SPECC1: variants seen among roughly 807,000 people sequenced by gnomAD.
SPECC1 encodes sperm antigen with calponin homology and coiled-coil domains 1.
SPECC1 carries 62 observed loss-of-function variants against 104.1 expected under a neutral mutation model. The observed-to-expected ratio is 0.60, with a 90% CI of 0.49 to 0.74. The LOEUF is 0.74. SPECC1 is among the 30% of genes least tolerant of loss of function. The pLI, the probability that SPECC1 is intolerant of heterozygous loss-of-function variation, is 0.00. For synonymous variants in SPECC1, 513 were observed against 501.6 expected (o/e 1.02, Z -0.30); for missense variants, 1,306 against 1,310.5 (o/e 1.00, Z 0.05).
At chr17:20,055,254 A>ATAGAATT (rs981554652) in intron 1 of SPECC1, among the ~76,000 whole-genome samples, 1 of 128,930 alleles carries the variant, frequency 7.8e-6, no homozygotes, top group African/African-American at 3.0e-5. Flanking sequence ...GTTGCATGTT[A>ATAGAATT]TAGAATTTCC....
chr17:20,029,741 A>G (rs2044734237), intron 1 of SPECC1, among the ~76,000 whole-genome samples: 2 of 152,096 alleles, frequency 1.3e-5, no homozygotes, highest in African/African-American at 2.4e-5. Flanking sequence ...CTAATCCCTC[A>G]TTAGTAATGT....
intron 1 of SPECC1, among the ~76,000 whole-genome samples, chr17:20,033,828 C>T (rs1252564434): frequency 6.6e-6 from 1 of 152,170 alleles, no homozygotes; most frequent in African/African-American, 2.4e-5. Context: ...CATATCCAAA[C>T]CATTAACACC....
At chr17:20,221,334 C>G (rs1251519099) in intron 4 of SPECC1, among the ~76,000 whole-genome samples, 1 of 151,986 alleles carries the variant, frequency 6.6e-6, no homozygotes, top group Non-Finnish European at 1.5e-5. Flanking sequence ...GCTTTTATCT[C>G]GTTACTTGTT....
intron 3 of SPECC1, among the ~76,000 whole-genome samples, chr17:20,127,406 A>G (rs558957860): frequency 1.3e-5 from 2 of 150,974 alleles, no homozygotes; most frequent in Non-Finnish European, 2.9e-5. Flanking sequence ...TGAGAGGGAT[A>G]CTACTGGAGA....
intron 3 of SPECC1, among the ~76,000 whole-genome samples, chr17:20,194,725 C>G (rs1005767514): frequency 6.6e-6 from 1 of 151,570 alleles, no homozygotes; most frequent in Admixed American, 6.6e-5. Context: ...AGGATGGTCT[C>G]GATCTCCTGA....
chr17:20,306,752 A>C (rs1046952359), intron 14 of SPECC1, among the ~76,000 whole-genome samples: 1 of 152,250 alleles, frequency 6.6e-6, no homozygotes, highest in Non-Finnish European at 1.5e-5. Flanking sequence ...CAAATTTATA[A>C]TATCTGTGCT....
chr17:20,058,214 T>C (rs1347769858), intron 1 of SPECC1, among the ~76,000 whole-genome samples: 2 of 152,252 alleles, frequency 1.3e-5, no homozygotes, highest in South Asian at 2.1e-4. Flanking sequence ...ATTTTAAATA[T>C]CCTTGCGAGC....
chr17:20,088,952 C>T (rs73981803), intron 1 of SPECC1, among the ~76,000 whole-genome samples: 19,510 of 152,234 alleles, frequency 0.13, 1,260 homozygotes, highest in African/African-American at 0.14. Flanking sequence ...ACCTTCTGTG[C>T]GGCAGAGTGA....
intron 1 of SPECC1, among the ~76,000 whole-genome samples, chr17:20,080,326 C>A (rs921733724): frequency 6.6e-6 from 1 of 152,158 alleles, no homozygotes; most frequent in Admixed American, 6.5e-5. Context: ...AGGGAGGACA[C>A]TGTAGGAAAG....
chr17:20,178,373 T>C (rs1447414137), intron 3 of SPECC1, among the ~76,000 whole-genome samples: 1 of 152,144 alleles, frequency 6.6e-6, no homozygotes, highest in African/African-American at 2.4e-5. Flanking sequence ...GAGTGGAAAC[T>C]TCTGTGTTTT....
intron 1 of SPECC1, among the ~76,000 whole-genome samples, chr17:20,059,602 C>G (rs2046106441): frequency 6.6e-6 from 1 of 152,184 alleles, no homozygotes; most frequent in Non-Finnish European, 1.5e-5. Context: ...TCTTTCTGGT[C>G]CTCCTTCACT....
chr17:20,279,527 G>A (rs1175151554), intron 12 of SPECC1, among the ~76,000 whole-genome samples: 1 of 151,936 alleles, frequency 6.6e-6, no homozygotes, highest in East Asian at 1.9e-4. Flanking sequence ...TCTCCATGTT[G>A]GTCAGGCTGA....
In SPECC1 at chr17:20,298,921, A is replaced by G. The variant is rs1055308323; in HGVS notation, c.3057+1844A>G. On this transcript the variant is annotated intron_variant, in intron 13 of 14. Transcript: ENST00000395527. ...GAATTCTCCAAAAAAGCAGAACCAAAAGAGAGAGAGAGAGAGAGAGAGAGA... is the reference window on the plus strand; with the variant it reads ...GAATTCTCCAAAAAAGCAGAACCAAGAGAGAGAGAGAGAGAGAGAGAGAGA... Among the ~76,000 whole-genome samples the G allele has an allele frequency of 1.1e-4, 8 of 72,790 alleles. No individual in the cohort carries two copies. In the East Asian group the frequency reaches 5.6e-3, roughly 51 times the overall value. 47.8% of individuals were successfully genotyped at this position (72,790 alleles called of 152,430 possible).
chr17:20,171,676 T>C (rs1354703345), intron 3 of SPECC1, among the ~76,000 whole-genome samples: 6 of 152,080 alleles, frequency 3.9e-5, no homozygotes. Flanking sequence ...ACCTCTCGGG[T>C]AGCTAGGACC....
At chr17:20,040,462 T>G (rs2152452949) in intron 1 of SPECC1, among the ~76,000 whole-genome samples, 1 of 152,334 alleles carries the variant, frequency 6.6e-6, no homozygotes, top group South Asian at 2.1e-4. Context: ...CTTTCATCAT[T>G]TTTTGGTCTG....
intron 12 of SPECC1, among the ~76,000 whole-genome samples, chr17:20,260,865 G>A (rs565356027): frequency 4.2e-4 from 64 of 152,202 alleles, no homozygotes; most frequent in South Asian, 4.1e-4. Context: ...ATCTGCTGGC[G>A]ACGGTTGTCT....
At chr17:20,129,208 C>T (rs1207737107) in intron 3 of SPECC1, among the ~76,000 whole-genome samples, 10 of 139,018 alleles carry the variant, frequency 7.2e-5, no homozygotes, top group African/African-American at 2.4e-4. Flanking sequence ...TTTTTTGAGA[C>T]GGAGTCTCAC....
chr17:20,226,164 G>A (rs1185372636), intron 4 of SPECC1, among the ~76,000 whole-genome samples: 1 of 152,136 alleles, frequency 6.6e-6, no homozygotes, highest in Non-Finnish European at 1.5e-5. Flanking sequence ...TTAAAGGACT[G>A]TAGAAAAGGG....
chr17:20,297,869 AG>A (rs1264166303), intron 13 of SPECC1, among the ~76,000 whole-genome samples: 1 of 152,238 alleles, frequency 6.6e-6, no homozygotes, highest in Non-Finnish European at 1.5e-5. Context: ...ATAAGAAAAC[AG>A]GCAACAATAG....
Sources: gnomAD v4.1 joint callset for allele counts (sites outside exome capture counted in the v4.1 genomes callset) on GRCh38, gnomAD v4.1.1 for gene constraint, MANE v1.5 for transcripts, NCBI Gene and HGNC (gene_info 2026-07-23, HGNC 2026-07-21) for gene names.